Variants in ELSPBP1 observed in about 807,000 individuals in gnomAD.
The protein encoded by ELSPBP1 is epididymal sperm-binding protein 1.
Under a neutral mutation model 33.3 loss-of-function variants are expected in ELSPBP1, and 38 were observed. The ratio of observed to expected loss-of-function variants is 1.14; its 90% confidence interval spans 0.88 to 1.50. The LOEUF (loss-of-function observed/expected upper bound fraction) is 1.50. ELSPBP1 is among the 40% of genes most tolerant of loss of function. ELSPBP1 has a pLI of 0.00. For synonymous variants in ELSPBP1, 85 were observed against 94.1 expected (o/e 0.90, Z 0.56); for missense variants, 267 against 263.5 (o/e 1.01, Z -0.09).
In ELSPBP1 at chr19:48,015,476, C is replaced by T. The variant is rs569448099; in HGVS notation, c.209-417C>T. ...TTCGAGACCAGCCTGGGCAACATGG[C>T]GACACCCCATCTCTACTAAAAATTA... On this transcript the variant is annotated intron_variant, in intron 3 of 6. Coordinates refer to ENST00000339841, the MANE Select transcript of ELSPBP1 (RefSeq NM_022142.5). 2.0e-4 allele frequency among the ~76,000 whole-genome samples: 31 copies of T among 152,026 alleles called. No homozygotes were observed. The South Asian group carries it at 6.0e-3, about 30-fold the overall frequency.
chr19:48,012,952 G>A (rs542132882), intron 2 of ELSPBP1, among the ~76,000 whole-genome samples: 4 of 152,120 alleles, frequency 2.6e-5, no homozygotes, highest in African/African-American at 2.4e-5. Context: ...ACTATCGTCC[G>A]AATAAAGCTT....
At chr19:47,999,658 G>A (rs1400774155) in intron 1 of ELSPBP1, among the ~76,000 whole-genome samples, 2 of 151,710 alleles carry the variant, frequency 1.3e-5, no homozygotes, top group Admixed American at 1.3e-4. Flanking sequence ...AAAGTGCTGG[G>A]ATTACAGGCG....
chr19:48,001,102 T>C (rs1270496649), intron 1 of ELSPBP1, among the ~76,000 whole-genome samples: 4 of 151,990 alleles, frequency 2.6e-5, no homozygotes, highest in Non-Finnish European at 4.4e-5. Flanking sequence ...GCTCGTGGCC[T>C]CTTCCTGGCA....
chr19:48,022,816 C>T (rs1419106968), intron 6 of ELSPBP1, among the ~76,000 whole-genome samples: 1 of 149,180 alleles, frequency 6.7e-6, no homozygotes, highest in Non-Finnish European at 1.5e-5. Context: ...TTTGGGAGGC[C>T]AAGGCAGGAG....
intron 1 of ELSPBP1, among the ~76,000 whole-genome samples, chr19:48,007,816 A>C (rs1339684616): frequency 1.3e-5 from 2 of 152,154 alleles, no homozygotes; most frequent in Admixed American, 6.6e-5. Context: ...TGGGTGACCA[A>C]TCCAGGTCTG....
At chr19:48,023,410 A>G in intron 6 of ELSPBP1, among the ~76,000 whole-genome samples, 2 of 81,200 alleles carry the variant, frequency 2.5e-5, no homozygotes, top group Non-Finnish European at 4.7e-5. Flanking sequence ...GAAGTGAGGG[A>G]GGAGGGAGGG....
At chr19:48,010,514 G>A (rs1600106064) in intron 2 of ELSPBP1, among the ~76,000 whole-genome samples, 2 of 152,118 alleles carry the variant, frequency 1.3e-5, no homozygotes, top group African/African-American at 2.4e-5. Flanking sequence ...CACAGTAATC[G>A]GGAGTTATAG....
chr19:48,006,619 C>T (rs565646457), intron 1 of ELSPBP1, among the ~76,000 whole-genome samples: 1 of 53,820 alleles, frequency 1.9e-5, no homozygotes, highest in East Asian at 1.2e-3. Flanking sequence ...GAGACCCTGT[C>T]TCAAAAAAAA....
intron 5 of ELSPBP1, 127 bp from the exon 6 acceptor site, chr19:48,022,042 TG>T: frequency 1.3e-6 from 1 of 798,456 alleles, no homozygotes; most frequent in Non-Finnish European, 2.0e-6. Context: ...GATTAAATGC[TG>T]GGATTAAAGG....
At chr19:48,000,323 C>A (rs1409541667) in intron 1 of ELSPBP1, among the ~76,000 whole-genome samples, 1 of 150,948 alleles carries the variant, frequency 6.6e-6, no homozygotes, top group Admixed American at 6.7e-5. Context: ...TCAGTGCAAC[C>A]TCTGCCTCCT....
intron 4 of ELSPBP1, among the ~76,000 whole-genome samples, chr19:48,018,561 G>A (rs1967165939): frequency 6.6e-6 from 1 of 152,138 alleles, no homozygotes; most frequent in South Asian, 2.1e-4. Context: ...AGTATTTTAA[G>A]TGCTTCACAT....
intron 6 of ELSPBP1, among the ~76,000 whole-genome samples, chr19:48,024,461 T>C (rs1478386402): frequency 6.6e-6 from 1 of 152,130 alleles, no homozygotes; most frequent in African/African-American, 2.4e-5. Context: ...ACCCTGGTGG[T>C]TCTAGCAATG....
intron 1 of ELSPBP1, among the ~76,000 whole-genome samples, chr19:48,000,536 T>C (rs1429834980): frequency 6.6e-6 from 1 of 152,122 alleles, no homozygotes; most frequent in African/African-American, 2.4e-5. Flanking sequence ...TATTAAACAG[T>C]CCTACGGGAT....
chr19:48,017,104 GCCCTT>G (rs1017434576), intron 4 of ELSPBP1, among the ~76,000 whole-genome samples: 12 of 152,078 alleles, frequency 7.9e-5, no homozygotes, highest in African/African-American at 2.9e-4. Context: ...GTATAACTGA[GCCCTT>G]CCCAAGGTCA....
intron 2 of ELSPBP1, among the ~76,000 whole-genome samples, chr19:48,012,469 T>C (rs1967089272): frequency 6.6e-6 from 1 of 152,154 alleles, no homozygotes. Context: ...CTAGTGCCAT[T>C]GAATTTTGAA....
In ELSPBP1 at chr19:48,022,316, G is replaced by A. The variant is rs775221571; in HGVS notation, c.661G>A (p.Val221Met). The change falls in exon 6 of 7, where the codon GTG becomes ATG. Residue 221 changes from valine (V) to methionine (M), a missense_variant. Physicochemically the swap from Val to Met is conservative, Grantham distance 21. Coordinates refer to ENST00000339841, the MANE Select transcript of ELSPBP1 (RefSeq NM_022142.5). ...SYNYDQDHTW[V>M]YC The stretch of plus-strand genomic sequence containing the variant: ...CAACTACGACCAAGACCACACCTGG[G>A]TGTATTGCTGATGCTGAGGTGAGAG... The A allele has an allele frequency of 1.2e-6, 2 of 1,610,770 alleles. No homozygotes were observed. The highest frequency in any genetic ancestry group is 2.7e-5 in the African/African-American group (2 of 74,838).
At chr19:48,013,919 T>A (rs1227934061) in intron 2 of ELSPBP1, among the ~76,000 whole-genome samples, 1 of 152,062 alleles carries the variant, frequency 6.6e-6, no homozygotes, top group African/African-American at 2.4e-5. Context: ...TAGAAGGGGC[T>A]AGCTAGCTCT....
chr19:48,021,583 G>A (rs565485108), intron 5 of ELSPBP1, among the ~76,000 whole-genome samples: 66 of 152,118 alleles, frequency 4.3e-4, no homozygotes, highest in African/African-American at 1.5e-3. Context: ...GGGATTACAG[G>A]CGCTTGGCAC....
intron 4 of ELSPBP1, among the ~76,000 whole-genome samples, chr19:48,017,070 C>T (rs1967150404): frequency 6.6e-6 from 1 of 152,238 alleles, no homozygotes; most frequent in South Asian, 2.1e-4. Flanking sequence ...CTGCTCGCCA[C>T]CACCTGTTCA....
Sources: gnomAD v4.1 joint callset for allele counts (sites outside exome capture counted in the v4.1 genomes callset) on GRCh38, gnomAD v4.1.1 for gene constraint, MANE v1.5 for transcripts, NCBI Gene and HGNC (gene_info 2026-07-23, HGNC 2026-07-21) for gene names.